TTC28: variants seen among roughly 807,000 people sequenced by gnomAD.
TTC28 encodes tetratricopeptide repeat domain 28.
A neutral mutation model predicts 198.0 loss-of-function variants in TTC28; 61 were observed. The observed-to-expected ratio is 0.31, with a 90% CI of 0.25 to 0.38. TTC28 has a LOEUF of 0.38. Among genes scored for constraint, TTC28 ranks in the 10% least tolerant of loss-of-function variants. TTC28 has a pLI of 1.00. For missense variants in TTC28, 2,678 were observed against 3,164.0 expected (o/e 0.85, Z 3.69); for synonymous variants, 1,171 against 1,297.8 (o/e 0.90, Z 2.10).
intron 6 of TTC28, among the ~76,000 whole-genome samples, chr22:28,130,299 C>G: frequency 6.6e-6 from 1 of 152,128 alleles, no homozygotes; most frequent in East Asian, 1.9e-4. Flanking sequence ...ATATTGCTCC[C>G]TTTGCTCCCA....
intron 6 of TTC28, among the ~76,000 whole-genome samples, chr22:28,149,740 C>G (rs1008882634): frequency 1.3e-5 from 2 of 152,068 alleles, no homozygotes; most frequent in African/African-American, 4.8e-5. Flanking sequence ...TTACTAGAGG[C>G]TGGGAGGTGG....
At chr22:28,334,360 T>C (rs1433292264) in intron 2 of TTC28, among the ~76,000 whole-genome samples, 2 of 152,194 alleles carry the variant, frequency 1.3e-5, no homozygotes, top group African/African-American at 2.4e-5. Context: ...CCTTTGGGTA[T>C]ATACCCAGTA....
intron 6 of TTC28, among the ~76,000 whole-genome samples, chr22:28,147,540 C>A (rs1408430903): frequency 6.6e-6 from 1 of 152,120 alleles, no homozygotes; most frequent in African/African-American, 2.4e-5. Context: ...TAGACATTTT[C>A]TTTTGAGAGG....
intron 6 of TTC28, among the ~76,000 whole-genome samples, chr22:28,124,145 T>C (rs1942858315): frequency 6.6e-6 from 1 of 151,658 alleles, no homozygotes. Flanking sequence ...CCTTATTCTG[T>C]AGCAATTTTT....
At chr22:28,032,267 A>ATAGTGT (rs1226631612) in intron 12 of TTC28, among the ~76,000 whole-genome samples, 1 of 78,722 alleles carries the variant, frequency 1.3e-5, no homozygotes, top group African/African-American at 6.3e-5. Flanking sequence ...ATATATATAT[A>ATAGTGT]GTGTGTGTGT....
intron 2 of TTC28, among the ~76,000 whole-genome samples, chr22:28,540,976 A>G (rs1295232612): frequency 6.6e-6 from 1 of 152,218 alleles, no homozygotes; most frequent in Non-Finnish European, 1.5e-5. Context: ...AGACTAGCTG[A>G]AAGGCAACAA....
At chr22:28,259,095 G>A (rs1458364726) in intron 5 of TTC28, among the ~76,000 whole-genome samples, 1 of 152,074 alleles carries the variant, frequency 6.6e-6, no homozygotes, top group Non-Finnish European at 1.5e-5. Flanking sequence ...GGCAAAACAT[G>A]GTGGATGAGC....
intron 2 of TTC28, among the ~76,000 whole-genome samples, chr22:28,595,700 C>A (rs1001056061): frequency 1.3e-5 from 2 of 152,136 alleles, no homozygotes. Context: ...CCGAGGCAGG[C>A]GGCTCATGAG....
At chr22:28,219,774 T>A (rs1047881808) in intron 5 of TTC28, among the ~76,000 whole-genome samples, 19 of 152,156 alleles carry the variant, frequency 1.2e-4, no homozygotes, top group African/African-American at 4.6e-4. Flanking sequence ...GTTATGAAAC[T>A]GAGAGATTTG....
chr22:28,458,467 T>A (rs2047897592), intron 2 of TTC28, among the ~76,000 whole-genome samples: 1 of 152,186 alleles, frequency 6.6e-6, no homozygotes, highest in Non-Finnish European at 1.5e-5. Flanking sequence ...AGATAATCTC[T>A]CCTGAATTAA....
intron 2 of TTC28, among the ~76,000 whole-genome samples, chr22:28,521,250 TA>T (rs567053288): frequency 6.7e-6 from 1 of 149,460 alleles, no homozygotes; most frequent in Admixed American, 6.7e-5. Flanking sequence ...AAAAAAAAAT[TA>T]AAAAAAATTA....
At position 27,983,864 on chromosome 22, in the gene TTC28, C is replaced by T; in HGVS notation, c.5816-13G>A. 6.5e-7 allele frequency: 1 copy of T among 1,539,386 alleles called. No homozygotes were observed. Among genetic ancestry groups the T allele is most frequent in the South Asian group, 1.2e-5 (1 of 81,862 alleles). ...AGCTCAGTAGAATCTAAGCACAAAACACAAGGGCCCCAAGGACAGTTAGAA... is the reference window on the plus strand; with the variant it reads ...AGCTCAGTAGAATCTAAGCACAAAATACAAGGGCCCCAAGGACAGTTAGAA... On this transcript the variant is annotated splice_polypyrimidine_tract_variant and intron_variant, in intron 22 of 22. Transcript: ENST00000397906.
intron 12 of TTC28, among the ~76,000 whole-genome samples, chr22:28,036,589 TA>T (rs1301258269): frequency 6.6e-6 from 1 of 152,134 alleles, no homozygotes; most frequent in Non-Finnish European, 1.5e-5. Context: ...ATTGACACCC[TA>T]ACATCACAAT....
intron 12 of TTC28, among the ~76,000 whole-genome samples, chr22:28,079,383 A>G (rs1172543089): frequency 6.6e-6 from 1 of 152,176 alleles, no homozygotes; most frequent in Non-Finnish European, 1.5e-5. Context: ...CATATCATAA[A>G]ATTTATTCTC....
rs559854523 is a variant in TTC28 at position 28,658,350 on chromosome 22, A to G, written c.102+21272T>C. On this transcript the variant is annotated intron_variant, in intron 1 of 22. Transcript: ENST00000397906. ...AGAAATATGTACTCTAAAGCAGAAG[A>G]GTAATCATATTTCATTATAGCTGCT... Among the ~76,000 whole-genome samples the G allele has an allele frequency of 5.3e-5, 8 of 152,336 alleles. 1 individual carries two copies. The South Asian group carries it at 8.3e-4, about 16-fold the overall frequency.
At chr22:28,352,689 C>T (rs2046018174) in intron 2 of TTC28, among the ~76,000 whole-genome samples, 1 of 152,002 alleles carries the variant, frequency 6.6e-6, no homozygotes, top group Non-Finnish European at 1.5e-5. Flanking sequence ...TAGGAATGAG[C>T]CACCTGAATA....
chr22:28,549,546 CA>C (rs1469795985), intron 2 of TTC28, among the ~76,000 whole-genome samples: 2 of 152,168 alleles, frequency 1.3e-5, no homozygotes. Flanking sequence ...AAACAGTTCT[CA>C]AAGGATTTGG....
chr22:28,369,397 T>C (rs1354299656), intron 2 of TTC28, among the ~76,000 whole-genome samples: 1 of 152,216 alleles, frequency 6.6e-6, no homozygotes, highest in Non-Finnish European at 1.5e-5. Flanking sequence ...CTCCCTGTTG[T>C]ATCATTAACA....
In TTC28 at chr22:27,983,766, G is replaced by A. The variant is rs956425039; in HGVS notation, c.5901C>T (p.Ala1967=). 6 of 1,551,596 alleles carry A rather than the reference G, an allele frequency of 3.9e-6. No homozygotes were observed. Among genetic ancestry groups the A allele is most frequent in the African/African-American group, 2.7e-5 (2 of 73,026 alleles). The change falls in exon 23 of 23, where the codon GCC becomes GCT. Residue 1967 remains alanine (A), a synonymous_variant. Transcript: ENST00000397906. Reference sequence around the variant, plus strand: ...GGGGTTGCTGGTAACCCAAGGGCAGGGCGTTGGAAACAGACTGAGCAGAAG... The same window carrying A: ...GGGGTTGCTGGTAACCCAAGGGCAGAGCGTTGGAAACAGACTGAGCAGAAG... ...SLASAQSVSN[A]LPLGYQQPPF... is the part of the protein sequence containing the mutation.
Sources: gnomAD v4.1 joint callset for allele counts (sites outside exome capture counted in the v4.1 genomes callset) on GRCh38, gnomAD v4.1.1 for gene constraint, MANE v1.5 for transcripts, NCBI Gene and HGNC (gene_info 2026-07-23, HGNC 2026-07-21) for gene names.